ISM1: variants seen among roughly 807,000 people sequenced by gnomAD.
ISM1 encodes the protein isthmin-1.
In ISM1, 25 loss-of-function variants were observed where a neutral mutation model predicts 46.3. The ratio of observed to expected loss-of-function variants is 0.54; its 90% CI spans 0.39 to 0.75. The LOEUF (loss-of-function observed/expected upper bound fraction) is 0.75. Ranked by LOEUF, ISM1 falls within the 30% of genes least tolerant of loss-of-function variation. The pLI, the probability that ISM1 is intolerant of heterozygous loss-of-function variation, is 0.00. For synonymous variants in ISM1, 255 were observed against 256.7 expected, an observed-to-expected ratio of 0.99 and a Z score of 0.06; for missense variants, 536 against 625.4, an observed-to-expected ratio of 0.86 and a Z score of 1.52.
chr20:13,232,123 G>A (rs1193944497), intron 1 of ISM1, among the ~76,000 whole-genome samples: 1 of 152,172 alleles, frequency 6.6e-6, no homozygotes, highest in Admixed American at 6.5e-5. Flanking sequence ...AGGACAGGAG[G>A]AGAAGAGTGG....
chr20:13,323,672 T>C, the ISM1 span, among the ~76,000 whole-genome samples: 1 of 152,222 alleles, frequency 6.6e-6, no homozygotes, highest in Non-Finnish European at 1.5e-5. Flanking sequence ...TAGACCTGAT[T>C]TTTCTTATAC....
chr20:13,311,255 A>AGATAGATGATAGAT, the ISM1 span, among the ~76,000 whole-genome samples: 2 of 132,510 alleles, frequency 1.5e-5, no homozygotes, highest in African/African-American at 6.0e-5. Context: ...ATAGATAGAT[A>AGATAGATGATAGAT]GATAGATAGA....
At chr20:13,316,386 C>T in the ISM1 span, among the ~76,000 whole-genome samples, 1 of 151,926 alleles carries the variant, frequency 6.6e-6, no homozygotes, top group Non-Finnish European at 1.5e-5. Flanking sequence ...TATTTCAATT[C>T]TCTACAATAT....
At chr20:13,258,997 T>G (rs2039957674) in intron 1 of ISM1, among the ~76,000 whole-genome samples, 1 of 152,066 alleles carries the variant, frequency 6.6e-6, no homozygotes, top group Non-Finnish European at 1.5e-5. Flanking sequence ...TAATTAGGAA[T>G]CTGGGCCGGG....
At chr20:13,292,291 T>G in intron 4 of ISM1, 83 bp from the exon 5 acceptor site, 1 of 811,868 alleles carries the variant, frequency 1.2e-6, no homozygotes, top group Non-Finnish European at 2.0e-6. Flanking sequence ...TTTGTTCAGG[T>G]GTATTTATTT....
chr20:13,223,870 T>C (rs1396163882), intron 1 of ISM1, among the ~76,000 whole-genome samples: 1 of 152,194 alleles, frequency 6.6e-6, no homozygotes, highest in Non-Finnish European at 1.5e-5. Context: ...ATAAAAATGA[T>C]GTTCTGTGGA....
At chr20:13,235,242 T>C (rs931783495) in intron 1 of ISM1, among the ~76,000 whole-genome samples, 1 of 152,222 alleles carries the variant, frequency 6.6e-6, no homozygotes, top group African/African-American at 2.4e-5. Context: ...ACCAGCAGGT[T>C]ACCTGCCACA....
At chr20:13,265,254 C>T (rs2040030483) in intron 1 of ISM1, among the ~76,000 whole-genome samples, 2 of 152,160 alleles carry the variant, frequency 1.3e-5, no homozygotes, top group African/African-American at 4.8e-5. Flanking sequence ...ATCTGCTGTA[C>T]GTTTACAAGC....
intron 1 of ISM1, among the ~76,000 whole-genome samples, chr20:13,249,948 G>A (rs374646546): frequency 1.3e-5 from 2 of 152,254 alleles, no homozygotes; most frequent in African/African-American, 4.8e-5. Context: ...TTAATGTAAT[G>A]TTTCCTTTCC....
At chr20:13,280,788 T>C (rs149238951) in intron 3 of ISM1, among the ~76,000 whole-genome samples, 27 of 152,276 alleles carry the variant, frequency 1.8e-4, no homozygotes, top group Non-Finnish European at 3.2e-4. Flanking sequence ...GGCTGGGAAA[T>C]GTATTCTCTG....
chr20:13,223,484 T>C (rs1222151646), intron 1 of ISM1, among the ~76,000 whole-genome samples: 3 of 152,198 alleles, frequency 2.0e-5, no homozygotes, highest in Non-Finnish European at 2.9e-5. Flanking sequence ...GTTAAAAAAC[T>C]TGTCAAAGTT....
intron 1 of ISM1, among the ~76,000 whole-genome samples, chr20:13,225,137 G>A (rs1341204028): frequency 3.9e-5 from 6 of 152,042 alleles, no homozygotes. Context: ...ACAGGCGTGA[G>A]CCACCGCGCC....
rs184596411 is a variant in ISM1 at position 13,250,669 on chromosome 20, T to C, written c.139-19835T>C. ...TACATTTGGGAACCCCTGCTGTGGATTGTAAGCTCCATGAGGGTAAGATTC... is the reference window on the plus strand; with the variant it reads ...TACATTTGGGAACCCCTGCTGTGGACTGTAAGCTCCATGAGGGTAAGATTC... On this transcript the variant is annotated intron_variant, in intron 1 of 5. Coordinates refer to ENST00000262487, the MANE Select transcript of ISM1 (RefSeq NM_080826.2). 2.2e-3 allele frequency among the ~76,000 whole-genome samples: 340 copies of C among 152,342 alleles called. 3 individuals carry two copies. The highest frequency in any genetic ancestry group is 2.1e-3 in the Non-Finnish European group (143 of 68,034).
intron 5 of ISM1, among the ~76,000 whole-genome samples, chr20:13,296,960 G>A (rs979927099): frequency 6.6e-6 from 1 of 152,128 alleles, no homozygotes; most frequent in Non-Finnish European, 1.5e-5. Context: ...AGAGGTTGCA[G>A]TGAGCTGAGA....
At chr20:13,254,629 C>T (rs905498633) in intron 1 of ISM1, among the ~76,000 whole-genome samples, 3 of 152,132 alleles carry the variant, frequency 2.0e-5, no homozygotes, top group Non-Finnish European at 4.4e-5. Context: ...TCTCTATATT[C>T]TCTCTCTGGG....
At chr20:13,304,900 G>A (rs559420011), downstream of ISM1, among the ~76,000 whole-genome samples, 6 of 152,078 alleles carry the variant, frequency 3.9e-5, no homozygotes, top group African/African-American at 9.6e-5. Context: ...ACTAGTACTC[G>A]CTGGAATCTT....
At chr20:13,312,727 A>G in the ISM1 span, among the ~76,000 whole-genome samples, 1 of 152,062 alleles carries the variant, frequency 6.6e-6, no homozygotes, top group South Asian at 2.1e-4. Context: ...TGAAACACCT[A>G]CTTTGTGCTA....
At chr20:13,319,772 C>T in the ISM1 span, among the ~76,000 whole-genome samples, 4 of 152,162 alleles carry the variant, frequency 2.6e-5, no homozygotes, top group African/African-American at 7.2e-5. Flanking sequence ...GTGAGAGAGA[C>T]GTGGGGACAG....
At chr20:13,259,486 A>C (rs1202326986) in intron 1 of ISM1, among the ~76,000 whole-genome samples, 1 of 152,202 alleles carries the variant, frequency 6.6e-6, no homozygotes, top group African/African-American at 2.4e-5. Flanking sequence ...ATCTCATACA[A>C]ATAAAGAAAA....
Sources: gnomAD v4.1 joint callset for allele counts (sites outside exome capture counted in the v4.1 genomes callset) on GRCh38, gnomAD v4.1.1 for gene constraint, MANE v1.5 for transcripts, NCBI Gene and HGNC (gene_info 2026-07-23, HGNC 2026-07-21) for gene names.